The following NDUFAF6 variants were observed in gnomAD, a reference collection of about 807,000 sequenced individuals.
The protein encoded by NDUFAF6 is NADH:ubiquinone oxidoreductase complex assembly factor 6.
Under a neutral mutation model 40.8 loss-of-function variants are expected in NDUFAF6, and 45 were observed. That is an observed-to-expected ratio of 1.10 (90% CI 0.87 to 1.42). The LOEUF is 1.42. Ranked by LOEUF, NDUFAF6 falls within the 40% of genes most tolerant of loss-of-function variation. The probability of loss-of-function intolerance (pLI) is 0.00; values close to 1 mark genes in which losing one functional copy is unlikely to be tolerated. For synonymous variants in NDUFAF6, 185 were observed against 155.9 expected, an observed-to-expected ratio of 1.19 and a Z score of -1.39; for missense variants, 435 against 418.5, an observed-to-expected ratio of 1.04 and a Z score of -0.34.
chr8:94,952,109 C>T (rs1437496658), intron 2 of NDUFAF6, among the ~76,000 whole-genome samples: 2 of 152,222 alleles, frequency 1.3e-5, no homozygotes, highest in African/African-American at 4.8e-5. Context: ...GTCTGTTTTC[C>T]ATGGAGCTCA....
At chr8:94,944,906 A>T (rs1427594336) in intron 1 of NDUFAF6, among the ~76,000 whole-genome samples, 1 of 152,240 alleles carries the variant, frequency 6.6e-6, no homozygotes, top group Non-Finnish European at 1.5e-5. Context: ...TTTAACTAGC[A>T]AAGCCAAATT....
chr8:95,097,614 G>C (rs1463428432), upstream of NDUFAF6, among the ~76,000 whole-genome samples: 2 of 152,202 alleles, frequency 1.3e-5, no homozygotes, highest in Non-Finnish European at 2.9e-5. Flanking sequence ...CAGGAGAATC[G>C]CTTGAACTGG....
At chr8:95,113,275 G>C (rs1177689843) in intron 4 of NDUFAF6, among the ~76,000 whole-genome samples, 1 of 152,148 alleles carries the variant, frequency 6.6e-6, no homozygotes, top group East Asian at 1.9e-4. Context: ...ATCAGTCTAG[G>C]GGCCTTCGAA....
At chr8:94,919,302 C>T (rs1163342823) in intron 1 of NDUFAF6, among the ~76,000 whole-genome samples, 1 of 152,200 alleles carries the variant, frequency 6.6e-6, no homozygotes, top group Non-Finnish European at 1.5e-5. Flanking sequence ...CCACCTCAGC[C>T]TCCCGAGTAG....
At chr8:95,114,681 C>T (rs888058519) in intron 4 of NDUFAF6, among the ~76,000 whole-genome samples, 13 of 152,084 alleles carry the variant, frequency 8.5e-5, no homozygotes, top group African/African-American at 1.4e-4. Flanking sequence ...TTCATTCACC[C>T]GGTATATACA....
intron 1 of NDUFAF6, among the ~76,000 whole-genome samples, chr8:94,971,663 G>A (rs545154143): frequency 8.5e-5 from 13 of 152,236 alleles, no homozygotes; most frequent in Admixed American, 3.3e-4. Context: ...TGGGCCTGGC[G>A]CGGTGGCTTA....
chr8:95,057,760 A>G, intron 8 of NDUFAF6, 49 bp from the exon 9 acceptor site: 1 of 1,230,934 alleles, frequency 8.1e-7, no homozygotes, highest in Non-Finnish European at 1.1e-6. Context: ...TTTTTTTTTT[A>G]AGTCTTGATC....
downstream of NDUFAF6, among the ~76,000 whole-genome samples, chr8:95,080,536 A>G (rs138670572): frequency 6.0e-3 from 863 of 142,774 alleles, 11 homozygotes; most frequent in African/African-American, 0.021. Context: ...GTATTTTGGT[A>G]GTGTATTTTT....
intron 9 of NDUFAF6, chr8:95,068,544 A>C (rs1563851010): frequency 6.6e-6 from 1 of 151,932 alleles, no homozygotes; most frequent in Non-Finnish European, 1.5e-5. Flanking sequence ...AGCCAGCAAT[A>C]GGAAGAACTG....
At chr8:95,059,860 AAAAAG>A (rs1277608212), downstream of NDUFAF6, among the ~76,000 whole-genome samples, 6 of 151,680 alleles carry the variant, frequency 4.0e-5, no homozygotes, top group African/African-American at 7.3e-5. Context: ...AAAAAAAAGA[AAAAAG>A]AAAAAATACA....
chr8:95,052,955 C>G (rs1406009631), intron 8 of NDUFAF6, among the ~76,000 whole-genome samples: 1 of 152,098 alleles, frequency 6.6e-6, no homozygotes, highest in African/African-American at 2.4e-5. Flanking sequence ...CATCATTATT[C>G]CTAGTCTTCC....
chr8:95,002,536 A>T (rs1202358340), intron 2 of NDUFAF6, among the ~76,000 whole-genome samples: 2 of 152,238 alleles, frequency 1.3e-5, no homozygotes, highest in East Asian at 3.8e-4. Flanking sequence ...TAAAATAAGA[A>T]GCAGAATCTA....
At chr8:95,075,893 C>T (rs1185782863) in exon 10 of NDUFAF6, 2 of 346,070 alleles carry the variant, frequency 5.8e-6, no homozygotes, top group Admixed American at 3.8e-5. Context: ...TTAGTGTGAG[C>T]CAGACTGGGC....
At chr8:94,896,291 C>T (rs1241582154) in intron 1 of NDUFAF6, among the ~76,000 whole-genome samples, 5 of 148,594 alleles carry the variant, frequency 3.4e-5, no homozygotes, top group Non-Finnish European at 7.5e-5. Flanking sequence ...CGCCAGCGCG[C>T]CCTGCGGAGC....
chr8:94,937,995 G>A (rs558584417), intron 1 of NDUFAF6, among the ~76,000 whole-genome samples: 2 of 152,296 alleles, frequency 1.3e-5, no homozygotes, highest in Non-Finnish European at 1.5e-5. Context: ...AGATGGAAAA[G>A]TTTGGGTATA....
At chr8:95,098,312 C>A (rs527426687), upstream of NDUFAF6, among the ~76,000 whole-genome samples, 12 of 152,202 alleles carry the variant, frequency 7.9e-5, no homozygotes, top group East Asian at 2.3e-3. Context: ...GTGGGTGGAT[C>A]ACCTGAGGTC....
intron 2 of NDUFAF6, among the ~76,000 whole-genome samples, chr8:95,013,814 A>G (rs900251615): frequency 2.6e-5 from 4 of 152,124 alleles, no homozygotes; most frequent in African/African-American, 9.6e-5. Flanking sequence ...CCAAATCCTA[A>G]CCCCCAGTAC....
chr8:94,946,450 C>T (rs1373389724), intron 2 of NDUFAF6, among the ~76,000 whole-genome samples: 1 of 151,678 alleles, frequency 6.6e-6, no homozygotes, highest in Non-Finnish European at 1.5e-5. Context: ...TCTATAATCC[C>T]AGTGCTTTGG....
At chr8:94,930,533 G>T (rs1309907291) in intron 1 of NDUFAF6, 1 of 1,614,118 alleles carries the variant, frequency 6.2e-7, no homozygotes, top group Non-Finnish European at 8.5e-7. Flanking sequence ...CATTGTGCTT[G>T]ACTTGCCGAG....
Sources: gnomAD v4.1 joint callset for allele counts (sites outside exome capture counted in the v4.1 genomes callset) on GRCh38, gnomAD v4.1.1 for gene constraint, MANE v1.5 for transcripts, NCBI Gene and HGNC (gene_info 2026-07-23, HGNC 2026-07-21) for gene names.